The following SYTL3 variants were observed in gnomAD, a reference collection of about 807,000 sequenced individuals.
The protein encoded by SYTL3 is synaptotagmin-like protein 3.
Under a neutral mutation model 82.1 loss-of-function variants are expected in SYTL3, and 88 were observed. The observed-to-expected ratio is 1.07, with a 90% CI of 0.90 to 1.28. The LOEUF (loss-of-function observed/expected upper bound fraction) is 1.28, where lower values mean the gene tolerates loss of function less well. SYTL3 is among the 50% of genes most tolerant of loss of function. The pLI, the probability that SYTL3 is intolerant of heterozygous loss-of-function variation, is 0.00. For synonymous variants in SYTL3, 311 were observed against 289.4 expected (o/e 1.07, Z -0.76); for missense variants, 831 against 757.6 (o/e 1.10, Z -1.14).
intron 2 of SYTL3, among the ~76,000 whole-genome samples, chr6:158,658,787 G>GC (rs1789015384): frequency 6.6e-6 from 1 of 152,092 alleles, no homozygotes; most frequent in Non-Finnish European, 1.5e-5. Context: ...AAATTAGCCA[G>GC]GCATGGAGGC....
At chr6:158,738,196 A>G (rs1246576515) in intron 11 of SYTL3, among the ~76,000 whole-genome samples, 1 of 152,156 alleles carries the variant, frequency 6.6e-6, no homozygotes, top group Non-Finnish European at 1.5e-5. Context: ...TCCCAGGTCC[A>G]CTGTGCCCAG....
chr6:158,695,632 C>G (rs576449394), intron 6 of SYTL3, among the ~76,000 whole-genome samples: 84 of 152,302 alleles, frequency 5.5e-4, no homozygotes, highest in African/African-American at 1.9e-3. Context: ...AACATCACCA[C>G]CATCTGTTTC....
chr6:158,762,086 G>A lies in SYTL3; in HGVS notation c.1425G>A (p.Gln475=), dbSNP rs1473282042. The A allele has an allele frequency of 1.2e-6, 2 of 1,613,418 alleles. No homozygotes were observed. Among genetic ancestry groups the A allele is most frequent in the South Asian group, 1.1e-5 (1 of 91,044 alleles). ...TGGCTTTCCTTCCAGGGACAGATCA[G>A]CCATCACTTCATGGTCAACTTTGTT... ...KLQEAQEGTD[Q]PSLHGQLCLV... Residue 475 remains glutamine, a synonymous_variant, in exon 16 of 18, where the codon CAG becomes CAA. Transcript: ENST00000611299.
At chr6:158,649,590 A>G (rs545763030), upstream of SYTL3, among the ~76,000 whole-genome samples, 1 of 152,362 alleles carries the variant, frequency 6.6e-6, no homozygotes, top group African/African-American at 2.4e-5. Context: ...AGCATTTTGA[A>G]GGTTCCCCTT....
At chr6:158,711,787 G>C (rs746673240) in intron 8 of SYTL3, among the ~76,000 whole-genome samples, 43 of 152,186 alleles carry the variant, frequency 2.8e-4, no homozygotes, top group Admixed American at 2.8e-3. Flanking sequence ...GTAACTTCCT[G>C]ATGTTGCCAT....
intron 11 of SYTL3, among the ~76,000 whole-genome samples, chr6:158,735,291 A>G (rs2128495931): frequency 6.6e-6 from 1 of 152,252 alleles, no homozygotes; most frequent in Admixed American, 6.5e-5. Flanking sequence ...TTCCCCATAT[A>G]CTCATTAACT....
At chr6:158,725,117 A>G (rs1784547783) in intron 10 of SYTL3, among the ~76,000 whole-genome samples, 1 of 152,212 alleles carries the variant, frequency 6.6e-6, no homozygotes, top group African/African-American at 2.4e-5. Context: ...TTTTATAAGC[A>G]TCTTAGAGCT....
intron 5 of SYTL3, among the ~76,000 whole-genome samples, chr6:158,667,056 GTCTCAGT>G (rs1351060174): frequency 6.6e-6 from 1 of 152,180 alleles, no homozygotes; most frequent in Non-Finnish European, 1.5e-5. Context: ...CTCTAGAAAG[GTCTCAGT>G]ATCTTCTTCC....
intron 3 of SYTL3, among the ~76,000 whole-genome samples, chr6:158,662,249 G>T (rs1021000377): frequency 1.3e-5 from 2 of 152,160 alleles, no homozygotes; most frequent in African/African-American, 4.8e-5. Flanking sequence ...TTGATCTTCT[G>T]CATTTTCTGG....
At chr6:158,743,396 GA>G in intron 11 of SYTL3, among the ~76,000 whole-genome samples, 1 of 152,292 alleles carries the variant, frequency 6.6e-6, no homozygotes, top group African/African-American at 2.4e-5. Flanking sequence ...GTTCTCAGCA[GA>G]AAAGTGTGTG....
At chr6:158,712,935 G>A (rs1159420909) in intron 8 of SYTL3, among the ~76,000 whole-genome samples, 1 of 151,334 alleles carries the variant, frequency 6.6e-6, no homozygotes, top group Non-Finnish European at 1.5e-5. Context: ...ATTTTTTTTT[G>A]TATTTTTAGT....
At chr6:158,760,539 A>AC in intron 14 of SYTL3, 101 bp from the exon 15 acceptor site, 2 of 970,124 alleles carry the variant, frequency 2.1e-6, no homozygotes, top group East Asian at 4.9e-5. Flanking sequence ...TGCAGGGGCC[A>AC]GGGGGAAGCA....
chr6:158,721,528 G>A (rs942264961), intron 10 of SYTL3, among the ~76,000 whole-genome samples: 4 of 151,714 alleles, frequency 2.6e-5, no homozygotes, highest in Non-Finnish European at 5.9e-5. Flanking sequence ...GCTGTTATAA[G>A]GGACAATTTA....
intron 3 of SYTL3, among the ~76,000 whole-genome samples, chr6:158,662,020 G>T (rs1789435762): frequency 6.6e-6 from 1 of 152,138 alleles, no homozygotes; most frequent in South Asian, 2.1e-4. Context: ...CAAAGATTAA[G>T]AAAAAGGTTA....
At chr6:158,719,104 G>C (rs1023445554) in intron 10 of SYTL3, among the ~76,000 whole-genome samples, 52 of 152,202 alleles carry the variant, frequency 3.4e-4, no homozygotes, top group African/African-American at 1.1e-3. Context: ...ACAAGGTTTT[G>C]TAAACATCTA....
At chr6:158,749,509 T>C (rs866173211) in intron 12 of SYTL3, among the ~76,000 whole-genome samples, 24 of 126,496 alleles carry the variant, frequency 1.9e-4, no homozygotes, top group East Asian at 1.5e-3. Context: ...CTTTCTCTCT[T>C]TTTTTTTTTT....
intron 12 of SYTL3, among the ~76,000 whole-genome samples, chr6:158,746,187 C>A (rs1027701716): frequency 6.6e-6 from 1 of 151,908 alleles, no homozygotes. Context: ...CTAATCACTT[C>A]CCAGAGACCC....
chr6:158,718,102 A>C lies in SYTL3; in HGVS notation c.611A>C (p.Gln204Pro). The change falls in exon 10 of 18, where the codon CAG (glutamine) becomes CCG (proline). Residue 204 changes from glutamine (Q) to proline (P), a missense_variant. Physicochemically the swap from Gln to Pro is moderately conservative, Grantham distance 76 (BLOSUM62 -1). Coordinates refer to ENST00000611299, the MANE Select transcript of SYTL3 (RefSeq NM_001242394.2). ...TGCCTTTTAGAGCTCTCCAAATCCC[A>C]GAATGATATGACTTCTGAGAAGCAT... The part of the protein sequence containing the change: ...ATHVKKLSKS[Q>P]NDMTSEKHLL... The C allele has an allele frequency of 1.9e-6, 3 of 1,542,074 alleles. No homozygotes were observed. Among genetic ancestry groups the C allele is most frequent in the Non-Finnish European group, 2.6e-6 (3 of 1,143,132 alleles).
intron 6 of SYTL3, among the ~76,000 whole-genome samples, chr6:158,692,429 T>C (rs1372469785): frequency 6.6e-6 from 1 of 152,114 alleles, no homozygotes; most frequent in African/African-American, 2.4e-5. Context: ...ATCATGTAAC[T>C]AACCAGGTTA....
Sources: allele counts gnomAD v4.1 joint callset (sites outside exome capture counted in the v4.1 genomes callset), GRCh38; gene constraint gnomAD v4.1.1; transcripts MANE v1.5; gene names NCBI Gene and HGNC (gene_info 2026-07-23, HGNC 2026-07-21).